Variants in SNTB1 observed in about 807,000 individuals in gnomAD.
SNTB1 encodes syntrophin beta 1.
Under a neutral mutation model 48.9 loss-of-function variants are expected in SNTB1, and 36 were observed. That is an observed-to-expected ratio of 0.74 (90% confidence interval 0.56 to 0.97). The LOEUF (loss-of-function observed/expected upper bound fraction) is 0.97. Among genes scored for constraint, SNTB1 ranks in the 50% least tolerant of loss-of-function variants. The probability of loss-of-function intolerance (pLI) is 0.00; values close to 1 mark genes in which losing one functional copy is unlikely to be tolerated. For synonymous variants in SNTB1, 299 were observed against 294.6 expected, an observed-to-expected ratio of 1.01 and a Z score of -0.15; for missense variants, 786 against 703.4, an observed-to-expected ratio of 1.12 and a Z score of -1.33.
chr8:120,601,432 A>G (rs998427534), intron 3 of SNTB1, among the ~76,000 whole-genome samples: 4 of 152,212 alleles, frequency 2.6e-5, no homozygotes, highest in African/African-American at 9.6e-5. Flanking sequence ...AAAATACCCC[A>G]TGGACATCCT....
At chr8:120,694,294 CCACATTCATTACACAG>C (rs1472338698) in intron 1 of SNTB1, among the ~76,000 whole-genome samples, 1 of 152,060 alleles carries the variant, frequency 6.6e-6, no homozygotes, top group African/African-American at 2.4e-5. Context: ...AATATGGCAG[CCACATTCATTACACAG>C]GATGCCATTT....
chr8:120,705,625 A>G (rs1818367539), intron 1 of SNTB1, among the ~76,000 whole-genome samples: 1 of 152,208 alleles, frequency 6.6e-6, no homozygotes, highest in Admixed American at 6.5e-5. Context: ...ACTTTGTGGA[A>G]GAGTAGATTG....
intron 2 of SNTB1, among the ~76,000 whole-genome samples, chr8:120,687,729 C>T (rs868191828): frequency 1.3e-5 from 2 of 152,222 alleles, no homozygotes; most frequent in Non-Finnish European, 2.9e-5. Flanking sequence ...GCATTCTGCT[C>T]ATATTCACAT....
At chr8:120,567,736 C>G (rs144412269) in intron 4 of SNTB1, among the ~76,000 whole-genome samples, 2 of 151,856 alleles carry the variant, frequency 1.3e-5, no homozygotes, top group African/African-American at 4.8e-5. Context: ...ATTACCATGG[C>G]CTTCTTGATA....
At chr8:120,604,335 A>G (rs1053411219) in intron 3 of SNTB1, among the ~76,000 whole-genome samples, 1 of 151,890 alleles carries the variant, frequency 6.6e-6, no homozygotes, top group Non-Finnish European at 1.5e-5. Flanking sequence ...ATCAAATGTC[A>G]TTTCGGGTTC....
chr8:120,641,908 G>C (rs1183885322), intron 2 of SNTB1, among the ~76,000 whole-genome samples: 2 of 152,196 alleles, frequency 1.3e-5, no homozygotes, highest in Non-Finnish European at 2.9e-5. Context: ...GTTACCTGAA[G>C]TGTAGGGAGG....
At chr8:120,665,655 A>G (rs1239983461) in intron 2 of SNTB1, among the ~76,000 whole-genome samples, 2 of 152,130 alleles carry the variant, frequency 1.3e-5, no homozygotes, top group Non-Finnish European at 2.9e-5. Context: ...CCAAACTCAA[A>G]TTCAAAAATG....
chr8:120,691,927 A>C (rs1049237615), intron 2 of SNTB1, among the ~76,000 whole-genome samples: 6 of 152,126 alleles, frequency 3.9e-5, no homozygotes, highest in African/African-American at 1.4e-4. Context: ...GGTGGGTAAA[A>C]GCCCAGGGAA....
intron 3 of SNTB1, among the ~76,000 whole-genome samples, chr8:120,576,376 A>G (rs951177818): frequency 1.3e-5 from 2 of 152,224 alleles, no homozygotes; most frequent in African/African-American, 4.8e-5. Context: ...TAGTCTTATT[A>G]TTACTTTATC....
At chr8:120,750,955 A>T (rs182324831) in intron 1 of SNTB1, among the ~76,000 whole-genome samples, 47 of 152,162 alleles carry the variant, frequency 3.1e-4, no homozygotes, top group African/African-American at 1.1e-3. Context: ...AAACACATAC[A>T]ATCAGCCTGC....
intron 1 of SNTB1, among the ~76,000 whole-genome samples, chr8:120,733,435 G>T (rs534203478): frequency 1.3e-5 from 2 of 152,230 alleles, no homozygotes; most frequent in African/African-American, 2.4e-5. Flanking sequence ...CAGGGCCCAG[G>T]CTCAATGATT....
chr8:120,777,618 G>A (rs149895015), intron 1 of SNTB1, among the ~76,000 whole-genome samples: 38 of 152,266 alleles, frequency 2.5e-4, no homozygotes, highest in Non-Finnish European at 4.4e-4. Context: ...TTCATGAAGA[G>A]GATTAATGAG....
At chr8:120,678,564 G>T (rs1587083176) in intron 2 of SNTB1, among the ~76,000 whole-genome samples, 1 of 152,158 alleles carries the variant, frequency 6.6e-6, no homozygotes, top group Non-Finnish European at 1.5e-5. Flanking sequence ...GTGGCTAAAA[G>T]AAATCTTTAT....
At chr8:120,563,362 TAAAA>T (rs1815694988) in intron 4 of SNTB1, among the ~76,000 whole-genome samples, 1 of 151,550 alleles carries the variant, frequency 6.6e-6, no homozygotes, top group Non-Finnish European at 1.5e-5. Context: ...CAAGGACTCA[TAAAA>T]AGCTGAGGAA....
intron 2 of SNTB1, among the ~76,000 whole-genome samples, chr8:120,666,655 T>A (rs1384261079): frequency 6.6e-6 from 1 of 152,228 alleles, no homozygotes; most frequent in African/African-American, 2.4e-5. Context: ...TTTGAGTAAT[T>A]TTCAGCCATT....
chr8:120,654,804 A>C, intron 2 of SNTB1: 1 of 336,416 alleles, frequency 3.0e-6, no homozygotes, highest in South Asian at 2.4e-5. Context: ...CTAATACATA[A>C]AACTTGAAGC....
chr8:120,594,624 T>C (rs1186365307), intron 3 of SNTB1, among the ~76,000 whole-genome samples: 1 of 152,188 alleles, frequency 6.6e-6, no homozygotes, highest in African/African-American at 2.4e-5. Context: ...TCCTCCCACC[T>C]CAGCCTTCCA....
intron 2 of SNTB1, among the ~76,000 whole-genome samples, chr8:120,633,875 T>C (rs1376394780): frequency 6.6e-6 from 1 of 152,202 alleles, no homozygotes; most frequent in Non-Finnish European, 1.5e-5. Flanking sequence ...TTACCTCCTA[T>C]AGTACAGTAT....
At chr8:120,695,961 A>G (rs1818204489) in intron 1 of SNTB1, among the ~76,000 whole-genome samples, 1 of 152,220 alleles carries the variant, frequency 6.6e-6, no homozygotes, top group Non-Finnish European at 1.5e-5. Context: ...TCTGGGCAAA[A>G]TATTTAAAGA....
Sources: gnomAD v4.1 joint callset for allele counts (sites outside exome capture counted in the v4.1 genomes callset) on GRCh38, gnomAD v4.1.1 for gene constraint, MANE v1.5 for transcripts, NCBI Gene and HGNC (gene_info 2026-07-23, HGNC 2026-07-21) for gene names.